MACROD2: variants seen among roughly 807,000 people sequenced by gnomAD.
MACROD2 encodes ADP-ribose glycohydrolase MACROD2.
Under a neutral mutation model 70.4 loss-of-function variants are expected in MACROD2, and 36 were observed. The ratio of observed to expected loss-of-function variants is 0.51; its 90% CI spans 0.39 to 0.68. MACROD2 has a LOEUF of 0.68. Among genes scored for constraint, MACROD2 ranks in the 30% least tolerant of loss-of-function variants. The pLI is 0.00. For missense variants in MACROD2, 496 were observed against 538.4 expected (o/e 0.92, Z 0.78); for synonymous variants, 172 against 178.8 (o/e 0.96, Z 0.30).
chr20:14,025,052 GT>G (rs1201816133), intron 2 of MACROD2, among the ~76,000 whole-genome samples: 1 of 152,096 alleles, frequency 6.6e-6, no homozygotes, highest in Non-Finnish European at 1.5e-5. Context: ...TTCTGAACTT[GT>G]TATGGTTTAT....
At chr20:14,345,746 A>G (rs1413325657) in intron 3 of MACROD2, among the ~76,000 whole-genome samples, 2 of 151,968 alleles carry the variant, frequency 1.3e-5, no homozygotes, top group African/African-American at 2.4e-5. Context: ...TGATTTTTCT[A>G]TAAGGACAAC....
At chr20:14,230,660 A>G (rs1321485079) in intron 3 of MACROD2, among the ~76,000 whole-genome samples, 1 of 43,124 alleles carries the variant, frequency 2.3e-5, no homozygotes, top group African/African-American at 1.5e-4. Context: ...TATATAACAC[A>G]GGCTGGGCCT....
intron 10 of MACROD2, among the ~76,000 whole-genome samples, chr20:15,917,477 A>G (rs951915102): frequency 6.6e-6 from 1 of 152,198 alleles, no homozygotes; most frequent in Non-Finnish European, 1.5e-5. Flanking sequence ...AGTATTCCTT[A>G]CTGCTGGCTA....
At chr20:14,760,328 T>G (rs1204437433) in intron 5 of MACROD2, among the ~76,000 whole-genome samples, 1 of 152,084 alleles carries the variant, frequency 6.6e-6, no homozygotes, top group African/African-American at 2.4e-5. Flanking sequence ...AAACTTTCAC[T>G]TACTCTGGGG....
intron 3 of MACROD2, among the ~76,000 whole-genome samples, chr20:14,333,347 A>C (rs1392183184): frequency 6.6e-6 from 1 of 152,188 alleles, no homozygotes; most frequent in Non-Finnish European, 1.5e-5. Context: ...TTTGACTTGT[A>C]AAGTTAAATC....
chr20:14,643,204 T>C (rs1272008675), intron 4 of MACROD2, among the ~76,000 whole-genome samples: 1 of 152,184 alleles, frequency 6.6e-6, no homozygotes, highest in Admixed American at 6.5e-5. Flanking sequence ...CATCCATTTT[T>C]CTATATGGAA....
At chr20:14,993,497 G>A (rs1335983802) in intron 5 of MACROD2, among the ~76,000 whole-genome samples, 1 of 151,978 alleles carries the variant, frequency 6.6e-6, no homozygotes, top group Non-Finnish European at 1.5e-5. Flanking sequence ...CAAAAAAATT[G>A]CCTCACAAAA....
intron 4 of MACROD2, among the ~76,000 whole-genome samples, chr20:14,494,973 G>C (rs2123109020): frequency 6.6e-6 from 1 of 152,218 alleles, no homozygotes; most frequent in East Asian, 1.9e-4. Flanking sequence ...ATTGTTAATA[G>C]CATAGAGGAA....
chr20:14,168,836 C>T (rs2081193806), intron 3 of MACROD2, among the ~76,000 whole-genome samples: 1 of 152,138 alleles, frequency 6.6e-6, no homozygotes, highest in South Asian at 2.1e-4. Flanking sequence ...AAGAGGGAAT[C>T]CTCCCTAAAT....
chr20:15,579,234 G>A (rs925007022), intron 8 of MACROD2, among the ~76,000 whole-genome samples: 2 of 152,080 alleles, frequency 1.3e-5, no homozygotes, highest in Admixed American at 6.5e-5. Context: ...TGAGTTATTG[G>A]GAGCCTCAGA....
intron 6 of MACROD2, among the ~76,000 whole-genome samples, chr20:15,300,460 C>G (rs2077631559): frequency 6.6e-6 from 1 of 152,142 alleles, no homozygotes; most frequent in African/African-American, 2.4e-5. Flanking sequence ...ACTGTTCTAA[C>G]CTTCCAATTC....
intron 4 of MACROD2, among the ~76,000 whole-genome samples, chr20:14,559,330 CAAAT>C (rs145386980): frequency 0.032 from 4,796 of 151,682 alleles, 241 homozygotes; most frequent in African/African-American, 0.11. Context: ...TTAATTTACA[CAAAT>C]AATTTATTTT....
intron 4 of MACROD2, among the ~76,000 whole-genome samples, chr20:14,610,100 A>G (rs1315629305): frequency 6.6e-6 from 1 of 152,172 alleles, no homozygotes; most frequent in African/African-American, 2.4e-5. Flanking sequence ...TTAAGTTGAG[A>G]AAATCTGATT....
intron 5 of MACROD2, among the ~76,000 whole-genome samples, chr20:14,717,804 A>C (rs1203195982): frequency 6.6e-6 from 1 of 152,048 alleles, no homozygotes; most frequent in East Asian, 1.9e-4. Context: ...GATAGGGAGG[A>C]TGTTATCAGG....
intron 5 of MACROD2, chr20:14,905,135 T>C (rs2073943697): frequency 6.6e-6 from 1 of 152,082 alleles, no homozygotes; most frequent in Admixed American, 6.6e-5. Context: ...ACAAGAGAAA[T>C]ACCACAGAGT....
At chr20:14,274,232 T>G (rs6033929) in intron 3 of MACROD2, among the ~76,000 whole-genome samples, 94,851 of 151,880 alleles carry the variant, frequency 0.62, 31,228 homozygotes, top group Non-Finnish European at 0.74. Flanking sequence ...TGAACATTGA[T>G]GCAAAAATCC....
intron 4 of MACROD2, chr20:14,554,295 C>T (rs1198993918): frequency 6.6e-6 from 1 of 152,104 alleles, no homozygotes; most frequent in Non-Finnish European, 1.5e-5. Context: ...TTTCCTTTGA[C>T]TCTGAAGGGC....
intron 3 of MACROD2, among the ~76,000 whole-genome samples, chr20:14,263,260 T>A (rs1463617696): frequency 6.6e-6 from 1 of 152,188 alleles, no homozygotes; most frequent in Admixed American, 6.5e-5. Context: ...AAATAATTTG[T>A]TAATAGGTCA....
At chr20:14,992,040 C>T (rs560771307) in intron 5 of MACROD2, among the ~76,000 whole-genome samples, 65 of 152,150 alleles carry the variant, frequency 4.3e-4, no homozygotes, top group African/African-American at 5.8e-4. Context: ...CAGGTGTTAA[C>T]GCATATATGT....
Sources: gnomAD v4.1 joint callset for allele counts (sites outside exome capture counted in the v4.1 genomes callset) on GRCh38, gnomAD v4.1.1 for gene constraint, MANE v1.5 for transcripts, NCBI Gene and HGNC (gene_info 2026-07-23, HGNC 2026-07-21) for gene names.